The following PRKN variants were observed in gnomAD, a reference collection of about 807,000 sequenced individuals.
PRKN encodes the protein E3 ubiquitin-protein ligase parkin.
Under a neutral mutation model 59.5 loss-of-function variants are expected in PRKN, and 56 were observed. That is an observed-to-expected ratio of 0.94 (90% confidence interval 0.76 to 1.18). PRKN has a LOEUF of 1.18. Among genes scored for constraint, PRKN ranks in the 50% most tolerant of loss-of-function variants. The pLI is 0.00. For synonymous variants in PRKN, 250 were observed against 222.1 expected, an observed-to-expected ratio of 1.13 and a Z score of -1.12; for missense variants, 657 against 596.4, an observed-to-expected ratio of 1.10 and a Z score of -1.06.
Position 161,461,988 on chromosome 6 carries a change from C to T in PRKN, c.1084-75111G>A, listed in dbSNP as rs2209248. On this transcript the variant is annotated intron_variant, in intron 9 of 11. Transcript: ENST00000366898. This position sits in a 1 kb window ranked among gnomAD's most constrained non-coding sequence, Gnocchi z 5.1. ...AAAGGGCAGGTGGAAGACTAGCTTG[C>T]AATGTGGGCTGTGAAGGATGGCAAT... is the stretch of plus-strand genomic sequence containing the variant. Among the ~76,000 whole-genome samples, 152,169 of 152,206 alleles carry T rather than the reference C, an allele frequency of 1. 76,066 individuals carry two copies. Among genetic ancestry groups the T allele is most frequent in the Middle Eastern group, 1 (294 of 294 alleles).
At chr6:161,697,541 G>A (rs1583020956) in intron 7 of PRKN, among the ~76,000 whole-genome samples, 2 of 152,100 alleles carry the variant, frequency 1.3e-5, no homozygotes, top group African/African-American at 4.8e-5. Context: ...TAGTCTCAAC[G>A]TTCTTTATCT....
intron 1 of PRKN, among the ~76,000 whole-genome samples, chr6:162,586,182 T>C (rs1470777301): frequency 6.6e-6 from 1 of 152,172 alleles, no homozygotes; most frequent in Non-Finnish European, 1.5e-5. Context: ...GGGAAAGTTG[T>C]ATATAAGTTC....
At chr6:161,780,824 G>C (rs1790172786) in intron 7 of PRKN, among the ~76,000 whole-genome samples, 1 of 152,134 alleles carries the variant, frequency 6.6e-6, no homozygotes, top group African/African-American at 2.4e-5. Flanking sequence ...GAGTGTCTCT[G>C]TTGAGCAAAT....
At chr6:162,356,063 C>T (rs536359064) in intron 2 of PRKN, among the ~76,000 whole-genome samples, 2 of 152,192 alleles carry the variant, frequency 1.3e-5, no homozygotes, top group African/African-American at 4.8e-5. Flanking sequence ...TGTGAGGGCA[C>T]TGTGGGCACT....
chr6:161,688,866 G>T (rs1045558901), intron 7 of PRKN, among the ~76,000 whole-genome samples: 3 of 152,042 alleles, frequency 2.0e-5, no homozygotes, highest in Non-Finnish European at 4.4e-5. Flanking sequence ...GCTCAATATT[G>T]TCCTTGACGT....
At chr6:162,361,943 T>C (rs1245680225) in intron 2 of PRKN, among the ~76,000 whole-genome samples, 2 of 152,110 alleles carry the variant, frequency 1.3e-5, no homozygotes, top group Non-Finnish European at 2.9e-5. Context: ...CAATTACAAT[T>C]CCACCCCGAA....
Position 162,443,337 on chromosome 6 carries a change from C to A in PRKN, c.144G>T (p.Lys48Asn). Residue 48 changes from lysine to asparagine, a missense_variant, in exon 2 of 12, where the codon AAG becomes AAT. Lys to Asn is a moderately conservative substitution (Grantham distance 94, BLOSUM62 0). Coordinates refer to ENST00000366898, the MANE Select transcript of PRKN (RefSeq NM_004562.3). The part of the protein sequence containing the change: ...ADQLRVIFAG[K>N]ELRNDWTVQN... ...GCACAGTCCAGTCATTCCTCAGCTC[C>A]TTCCCTGCGAAAATCACACGCAACT... 6.2e-7 allele frequency: 1 copy of A among 1,612,722 alleles called. No homozygotes were observed. Among genetic ancestry groups the A allele is most frequent in the East Asian group, 2.2e-5 (1 of 44,874 alleles).
chr6:162,098,172 T>C (rs1779822159), intron 4 of PRKN, among the ~76,000 whole-genome samples: 1 of 152,174 alleles, frequency 6.6e-6, no homozygotes, highest in Non-Finnish European at 1.5e-5. Context: ...TTCAATACTA[T>C]TTCATTTTGT....
chr6:162,662,886 A>G (rs1485940280), intron 1 of PRKN, among the ~76,000 whole-genome samples: 1 of 152,092 alleles, frequency 6.6e-6, no homozygotes, highest in East Asian at 1.9e-4. Flanking sequence ...TCTGTTGCAC[A>G]CTGTAGAGAT....
At chr6:161,730,880 ATGTTGCATTCTGGCG>A (rs1206552174) in intron 7 of PRKN, among the ~76,000 whole-genome samples, 1 of 145,070 alleles carries the variant, frequency 6.9e-6, no homozygotes, top group East Asian at 2.1e-4. Context: ...TCTTTCTGAT[ATGTTGCATTCTGGCG>A]TGTTGCATTC....
intron 1 of PRKN, among the ~76,000 whole-genome samples, chr6:162,526,699 G>C (rs1405627768): frequency 6.6e-6 from 1 of 151,996 alleles, no homozygotes; most frequent in Admixed American, 6.6e-5. Context: ...CCCATAGCCT[G>C]GTAGAAGATA....
chr6:162,727,068 A>G (rs1779256422), intron 1 of PRKN: 1 of 152,228 alleles, frequency 6.6e-6, no homozygotes, highest in African/African-American at 2.4e-5. Flanking sequence ...TTTACTCTTA[A>G]TGTTTCTTTC....
chr6:162,581,272 T>C (rs2128211317), intron 1 of PRKN, among the ~76,000 whole-genome samples: 1 of 152,354 alleles, frequency 6.6e-6, no homozygotes, highest in East Asian at 1.9e-4. Flanking sequence ...AGGAGAGATT[T>C]TGAAAGATTA....
chr6:161,815,051 G>A (rs1293835624), intron 6 of PRKN, among the ~76,000 whole-genome samples: 1 of 152,178 alleles, frequency 6.6e-6, no homozygotes, highest in Non-Finnish European at 1.5e-5. Context: ...CTCTAGGTGT[G>A]TGCAACCACA....
At chr6:162,328,717 G>C (rs1011061485) in intron 2 of PRKN, among the ~76,000 whole-genome samples, 2 of 152,176 alleles carry the variant, frequency 1.3e-5, no homozygotes, top group South Asian at 4.1e-4. Flanking sequence ...CTTCAGAGAA[G>C]AAGGAACAAT....
intron 7 of PRKN, among the ~76,000 whole-genome samples, chr6:161,697,788 C>T (rs1786082515): frequency 6.6e-6 from 1 of 152,106 alleles, no homozygotes; most frequent in Non-Finnish European, 1.5e-5. Flanking sequence ...CAAGGAGGGA[C>T]AATTACTGAA....
Position 162,019,453 on chromosome 6 carries a change from C to T in PRKN, c.618+34638G>A, listed in dbSNP as rs140776785. Among the ~76,000 whole-genome samples the T allele has an allele frequency of 7.2e-5, 11 of 152,276 alleles. No homozygotes were observed. The East Asian group carries it at 2.1e-3, about 29-fold the overall frequency. ...AAGCTCAGAGATGGATTGAAAGGCA[C>T]CGTTCAAAACAAGTCTCCCAGCAGC... On this transcript the variant is annotated intron_variant, in intron 5 of 11. Transcript: ENST00000366898.
At position 162,330,213 on chromosome 6, in the gene PRKN, C is replaced by T. The variant is rs1783510439; in HGVS notation, c.172-67448G>A. Among the ~76,000 whole-genome samples the T allele has an allele frequency of 6.6e-5, 10 of 152,140 alleles. No homozygotes were observed. The South Asian group carries it at 2.1e-3, about 32-fold the overall frequency. On this transcript the variant is annotated intron_variant, in intron 2 of 11. Transcript: ENST00000366898. ...GTGCCTCTATAATTATGCTCTTTTC[C>T]ATGGTTTATAAGCACATTGCTGATG...
chr6:161,574,429 T>C (rs1781055792), intron 7 of PRKN, among the ~76,000 whole-genome samples: 1 of 152,132 alleles, frequency 6.6e-6, no homozygotes, highest in South Asian at 2.1e-4. Context: ...CCCTCACATA[T>C]GGGTTCTTCT....
Sources: allele counts gnomAD v4.1 joint callset (sites outside exome capture counted in the v4.1 genomes callset), GRCh38; gene constraint gnomAD v4.1.1; non-coding constraint Gnocchi (gnomAD v3.1); transcripts MANE v1.5; gene names NCBI Gene and HGNC (gene_info 2026-07-23, HGNC 2026-07-21).